CTNNBL1: variants seen among roughly 807,000 people sequenced by gnomAD.
The protein encoded by CTNNBL1 is catenin beta like 1.
In CTNNBL1, 31 loss-of-function variants were observed where a neutral mutation model predicts 72.7. The observed-to-expected ratio is 0.43, with a 90% CI of 0.32 to 0.58. CTNNBL1 has a LOEUF of 0.58. CTNNBL1 is among the 20% of genes least tolerant of loss of function. The probability of loss-of-function intolerance (pLI) is 0.08; values close to 1 mark genes in which losing one functional copy is unlikely to be tolerated. For missense variants in CTNNBL1, 534 were observed against 725.1 expected, an observed-to-expected ratio of 0.74 and a Z score of 3.03; for synonymous variants, 240 against 267.3, an observed-to-expected ratio of 0.90 and a Z score of 1.00.
chr20:37,837,229 C>T (rs990515775), intron 11 of CTNNBL1, among the ~76,000 whole-genome samples: 4 of 152,148 alleles, frequency 2.6e-5, no homozygotes, highest in Non-Finnish European at 5.9e-5. Flanking sequence ...TCTGTTAGCT[C>T]GCCATCCTTA....
In CTNNBL1 at chr20:37,747,021, G is replaced by C. The variant is rs1484348032; in HGVS notation, c.466+414G>C. ...TTGAGACTAGAGATAGTGAACCATG[G>C]TAAAAAGCACATTTGGATGTCCAGG... On this transcript the variant is annotated intron_variant, in intron 4 of 15. Coordinates refer to ENST00000361383, the MANE Select transcript of CTNNBL1 (RefSeq NM_030877.5). Among the ~76,000 whole-genome samples the C allele has an allele frequency of 2.6e-5, 4 of 152,202 alleles. No individual in the cohort carries two copies. In the East Asian group the frequency reaches 5.8e-4, roughly 22 times the overall value.
chr20:37,749,174 T>C (rs943193254), intron 4 of CTNNBL1, among the ~76,000 whole-genome samples: 1 of 152,218 alleles, frequency 6.6e-6, no homozygotes, highest in African/African-American at 2.4e-5. Context: ...CCTCAGGTCT[T>C]CCTGTGGGAT....
intron 11 of CTNNBL1, among the ~76,000 whole-genome samples, chr20:37,831,549 G>A (rs2072210313): frequency 6.6e-6 from 1 of 152,056 alleles, no homozygotes; most frequent in South Asian, 2.1e-4. Flanking sequence ...GTATTTTTTA[G>A]TAGTGACGGG....
chr20:37,869,761 AG>A (rs200377084), intron 15 of CTNNBL1, among the ~76,000 whole-genome samples: 1,972 of 152,276 alleles, frequency 0.013, 46 homozygotes, highest in African/African-American at 0.045. Flanking sequence ...AGGCTGAGGG[AG>A]GGAACTAATG....
intron 13 of CTNNBL1, among the ~76,000 whole-genome samples, chr20:37,855,077 G>T (rs2072427618): frequency 7.1e-6 from 1 of 141,190 alleles, no homozygotes; most frequent in Non-Finnish European, 1.5e-5. Context: ...AAAATAATAT[G>T]ATCTACCGAA....
chr20:37,789,812 G>T (rs1412661596), intron 10 of CTNNBL1, among the ~76,000 whole-genome samples: 1 of 152,182 alleles, frequency 6.6e-6, no homozygotes, highest in East Asian at 1.9e-4. Flanking sequence ...GGAGACAAAA[G>T]AATTATATTG....
intron 13 of CTNNBL1, among the ~76,000 whole-genome samples, chr20:37,855,930 A>C (rs2072436226): frequency 6.6e-6 from 1 of 151,752 alleles, no homozygotes; most frequent in Non-Finnish European, 1.5e-5. Flanking sequence ...ACTGTTTGGC[A>C]AATGCTTTCC....
intron 1 of CTNNBL1, among the ~76,000 whole-genome samples, chr20:37,713,770 T>A (rs2072960708): frequency 6.6e-6 from 1 of 152,228 alleles, no homozygotes; most frequent in African/African-American, 2.4e-5. Context: ...ATTTTCCTAC[T>A]TTTAATGAAA....
chr20:37,755,332 C>G (rs2073354918), intron 4 of CTNNBL1, among the ~76,000 whole-genome samples: 1 of 152,026 alleles, frequency 6.6e-6, no homozygotes, highest in African/African-American at 2.4e-5. Flanking sequence ...GTTTGCTAAC[C>G]TGGTTATTTT....
chr20:37,818,919 T>C (rs999142614), intron 11 of CTNNBL1, among the ~76,000 whole-genome samples: 6 of 152,222 alleles, frequency 3.9e-5, no homozygotes, highest in African/African-American at 1.2e-4. Flanking sequence ...AATATACTTT[T>C]CATATGTCAA....
chr20:37,715,530 G>C (rs1411760015), intron 1 of CTNNBL1, among the ~76,000 whole-genome samples: 1 of 152,196 alleles, frequency 6.6e-6, no homozygotes, highest in African/African-American at 2.4e-5. Context: ...TGCCTCCTAA[G>C]AAGTTATTTG....
At chr20:37,735,112 A>G (rs1197241755) in intron 2 of CTNNBL1, among the ~76,000 whole-genome samples, 1 of 152,214 alleles carries the variant, frequency 6.6e-6, no homozygotes, top group Admixed American at 6.5e-5. Context: ...AACAGCTTGC[A>G]TTCATGTAGT....
intron 5 of CTNNBL1, among the ~76,000 whole-genome samples, chr20:37,763,713 C>T (rs1033080100): frequency 9.9e-5 from 15 of 152,128 alleles, no homozygotes; most frequent in African/African-American, 3.1e-4. Flanking sequence ...CATTCTCTCC[C>T]GTCATTGAAT....
At chr20:37,869,487 C>T (rs560358232) in intron 15 of CTNNBL1, among the ~76,000 whole-genome samples, 76 of 152,342 alleles carry the variant, frequency 5.0e-4, no homozygotes, top group African/African-American at 1.6e-3. Flanking sequence ...TCCTTCAGCA[C>T]GACACTCTGC....
chr20:37,712,921 T>C (rs897240655), intron 1 of CTNNBL1, among the ~76,000 whole-genome samples: 3 of 152,234 alleles, frequency 2.0e-5, no homozygotes, highest in Admixed American at 6.5e-5. Flanking sequence ...ATGACAGGAC[T>C]TTTCAGCAAA....
chr20:37,703,640 A>G (rs1436367760), intron 1 of CTNNBL1, among the ~76,000 whole-genome samples: 2 of 152,232 alleles, frequency 1.3e-5, no homozygotes, highest in Admixed American at 6.5e-5. Context: ...CAGATATCAC[A>G]TAATTCTCTG....
At chr20:37,786,777 AG>A (rs1211053867) in intron 10 of CTNNBL1, among the ~76,000 whole-genome samples, 1 of 152,164 alleles carries the variant, frequency 6.6e-6, no homozygotes, top group Non-Finnish European at 1.5e-5. Context: ...AAAACATTTC[AG>A]GTTAAAAAAT....
chr20:37,795,636 G>A (rs537365070), intron 10 of CTNNBL1, among the ~76,000 whole-genome samples: 1 of 152,222 alleles, frequency 6.6e-6, no homozygotes, highest in South Asian at 2.1e-4. Flanking sequence ...CTCATCTACT[G>A]TATTTTTCCT....
chr20:37,705,311 A>G (rs1460423760), intron 1 of CTNNBL1, among the ~76,000 whole-genome samples: 1 of 152,166 alleles, frequency 6.6e-6, no homozygotes, highest in Non-Finnish European at 1.5e-5. Context: ...CTGCTTTACC[A>G]TCTTTCTTAA....
Sources: gnomAD v4.1 joint callset for allele counts (sites outside exome capture counted in the v4.1 genomes callset) on GRCh38, gnomAD v4.1.1 for gene constraint, MANE v1.5 for transcripts, NCBI Gene and HGNC (gene_info 2026-07-23, HGNC 2026-07-21) for gene names.